The following L3MBTL1 variants were observed in gnomAD, a reference collection of about 807,000 sequenced individuals.
L3MBTL1 encodes L3MBTL histone methyl-lysine binding protein 1, also known as lethal(3)malignant brain tumor-like protein 1.
Under a neutral mutation model 105.3 loss-of-function variants are expected in L3MBTL1, and 75 were observed. The observed-to-expected ratio is 0.71, with a 90% CI of 0.59 to 0.86. The LOEUF (loss-of-function observed/expected upper bound fraction) is 0.86. Ranked by LOEUF, L3MBTL1 falls within the 40% of genes least tolerant of loss-of-function variation. The pLI is 0.00. For synonymous variants in L3MBTL1, 452 were observed against 436.2 expected, an observed-to-expected ratio of 1.04 and a Z score of -0.45; for missense variants, 1,069 against 1,126.4, an observed-to-expected ratio of 0.95 and a Z score of 0.73.
rs1252845321 is a variant in L3MBTL1 at position 43,523,591 on chromosome 20, T to A, written c.863-5066T>A. On this transcript the variant is annotated intron_variant, in intron 7 of 21. Transcript: ENST00000418998. Reference sequence around the variant, plus strand: ...GCGGCATTGTTCTCTTCTCACCCTGTCCTGTGCAGACAGTAGACTATAGCA... The same window carrying A: ...GCGGCATTGTTCTCTTCTCACCCTGACCTGTGCAGACAGTAGACTATAGCA... The A allele has an allele frequency of 2.2e-5, 5 of 228,790 alleles. No homozygotes were observed. The South Asian group carries it at 2.2e-4, about 10-fold the overall frequency. The allele number at this position is 228,790 out of a possible 1,614,324, so 14.2% of individuals were successfully genotyped here.
intron 7 of L3MBTL1, 107 bp downstream of exon 7, chr20:43,516,284 T>A: frequency 1.3e-6 from 1 of 782,210 alleles, no homozygotes; most frequent in Non-Finnish European, 2.2e-6. Flanking sequence ...TGTACATGCA[T>A]AAATGAGCAT....
intron 19 of L3MBTL1, among the ~76,000 whole-genome samples, chr20:43,538,377 C>A (rs2019738623): frequency 6.6e-6 from 1 of 152,190 alleles, no homozygotes; most frequent in Admixed American, 6.5e-5. Flanking sequence ...AAGAAGGGCT[C>A]ACCCAGATCC....
At chr20:43,548,026 A>G (rs1171618376) in intron 18 of L3MBTL1, 1 of 495,180 alleles carries the variant, frequency 2.0e-6, no homozygotes, top group Non-Finnish European at 2.6e-6. Flanking sequence ...CCCATTCCCC[A>G]TGCACACCCC....
Position 43,540,774 on chromosome 20 carries a change from C to G in L3MBTL1, c.2353C>G (p.Leu785Val). The change falls in exon 21 of 22, where the codon CTG becomes GTG. Residue 785 changes from leucine (L) to valine (V), a missense_variant. By Grantham distance (32) the Leu-to-Val change is conservative. Transcript: ENST00000418998. ...IDEVFGFVQT[L>V]TGCEDQARLF... is the part of the protein sequence containing the mutation. ...CAAGGTCTTCGGCTTTGTTCAGACC[C>G]TGACAGGTTGTGAGGACCAAGCACG... 1 of 1,614,218 alleles carries G rather than the reference C, an allele frequency of 6.2e-7. No homozygotes were observed. Among genetic ancestry groups the G allele is most frequent in the Non-Finnish European group, 8.5e-7 (1 of 1,180,044 alleles).
In L3MBTL1 at chr20:43,514,039, C is replaced by T. The variant is rs1445213957; in HGVS notation, c.338C>T (p.Pro113Leu). The T allele has an allele frequency of 3.3e-6, 5 of 1,535,468 alleles. No homozygotes were observed. The highest frequency in any genetic ancestry group is 3.5e-6 in the Non-Finnish European group (4 of 1,146,452). ...CTGGAATGGACAGAGGCCGCGGCCC[C>T]GCCCCCAGGGGGCGGCCTGCGGGTC... ...RLLEWTEAAA[P>L]PPGGGLRFRI... The change falls in exon 3 of 22, where the codon CCG becomes CTG. Residue 113 changes from proline to leucine, a missense_variant. Coordinates refer to ENST00000418998, the MANE Select transcript of L3MBTL1 (RefSeq NM_001377303.1).
At chr20:43,517,450 C>G (rs1353119391) in intron 7 of L3MBTL1, among the ~76,000 whole-genome samples, 1 of 151,894 alleles carries the variant, frequency 6.6e-6, no homozygotes, top group Non-Finnish European at 1.5e-5. Flanking sequence ...ATTGCCCAAG[C>G]TGGCGTGTAG....
At position 43,534,431 on chromosome 20, in the gene L3MBTL1, C is replaced by T. The variant is rs1432812318; in HGVS notation, c.1710+37C>T. The T allele has an allele frequency of 1.9e-6, 3 of 1,542,074 alleles. No homozygotes were observed. The Admixed American group carries it at 5.0e-5, about 26-fold the overall frequency. On this transcript the variant is annotated intron_variant, in intron 15 of 21. Transcript: ENST00000418998. ...ACCCTAGGGCTGGGAAGTGGACAGG[C>T]CAGTTGGGCAGGAATTCTGTAGACT...
At chr20:43,527,295 G>T (rs2019081341) in intron 7 of L3MBTL1, among the ~76,000 whole-genome samples, 1 of 152,254 alleles carries the variant, frequency 6.6e-6, no homozygotes, top group East Asian at 1.9e-4. Flanking sequence ...TAAGGGATAT[G>T]AATTGATTCT....
intron 15 of L3MBTL1, 185 bp from the exon 16 acceptor site, chr20:43,534,643 C>A: frequency 1.6e-6 from 1 of 609,154 alleles, no homozygotes; most frequent in Non-Finnish European, 2.9e-6. Flanking sequence ...TGGGAGATGC[C>A]AGTAACTTAA....
chr20:43,540,542 A>G (rs990120644), intron 20 of L3MBTL1, among the ~76,000 whole-genome samples: 2 of 152,112 alleles, frequency 1.3e-5, no homozygotes, highest in East Asian at 1.9e-4. Flanking sequence ...TCAGCCAGAA[A>G]TCCAGCAGGA....
In L3MBTL1 at chr20:43,534,180, T is replaced by C. The variant is rs74949401; in HGVS notation, c.1599+87T>C. ...CAGGCTGGGGCCCTAGCCTTCCCCTTTGGGCAGGCCCCAGTTTCCCCAGGC... is the reference window on the plus strand; with the variant it reads ...CAGGCTGGGGCCCTAGCCTTCCCCTCTGGGCAGGCCCCAGTTTCCCCAGGC... On this transcript the variant is annotated intron_variant, in intron 14 of 21. Transcript: ENST00000418998. 1,366 of 1,515,398 alleles carry C rather than the reference T, an allele frequency of 9.0e-4. 17 individuals carry two copies. The African/African-American group carries it at 0.016, about 18-fold the overall frequency. 93.9% of individuals were successfully genotyped at this position (1,515,398 alleles called of 1,614,324 possible). A position where few individuals can be genotyped will look rare whatever the true frequency, so the allele number is the denominator to read the frequency against.
intron 9 of L3MBTL1, 84 bp downstream of exon 9, chr20:43,529,452 C>A: frequency 1.1e-6 from 1 of 898,200 alleles, no homozygotes; most frequent in Non-Finnish European, 1.8e-6. Flanking sequence ...GAAGGAAACA[C>A]CTCCCTCCCC....
intron 7 of L3MBTL1, among the ~76,000 whole-genome samples, chr20:43,519,912 C>T (rs2018619310): frequency 6.6e-6 from 1 of 152,096 alleles, no homozygotes; most frequent in African/African-American, 2.4e-5. Context: ...TTATAAGGTA[C>T]CGGTTCTTAA....
At position 43,533,970 on chromosome 20, in the gene L3MBTL1, C is replaced by T. The variant is rs117778469; in HGVS notation, c.1514-38C>T. On this transcript the variant is annotated intron_variant, in intron 13 of 21. Transcript: ENST00000418998. ...GGGGGCAGAGGGCTTCCGCAGTACA[C>T]CTGGGTGGCTAGACATTGCTCTCAT... 12,843 of 1,484,130 alleles carry T rather than the reference C, an allele frequency of 8.7e-3. 67 individuals carry two copies. The highest frequency in any genetic ancestry group is 0.01 in the Non-Finnish European group (11,095 of 1,061,906). The allele number at this position is 1,484,130 out of a possible 1,614,324, so 91.9% of individuals were successfully genotyped here. A position where few individuals can be genotyped will look rare whatever the true frequency, so the allele number is the denominator to read the frequency against.
At chr20:43,508,046 C>A (rs993003735) in intron 1 of L3MBTL1, among the ~76,000 whole-genome samples, 1 of 152,150 alleles carries the variant, frequency 6.6e-6, no homozygotes, top group Non-Finnish European at 1.5e-5. Flanking sequence ...TGGAGATACG[C>A]AATCAATTAA....
chr20:43,511,837 T>A (rs898020097), intron 1 of L3MBTL1, among the ~76,000 whole-genome samples: 1 of 149,640 alleles, frequency 6.7e-6, no homozygotes, highest in African/African-American at 2.5e-5. Context: ...AGGTGACTAT[T>A]GAGTTAAGGC....
At chr20:43,527,064 G>A (rs1451294939) in intron 7 of L3MBTL1, among the ~76,000 whole-genome samples, 1 of 152,132 alleles carries the variant, frequency 6.6e-6, no homozygotes, top group Non-Finnish European at 1.5e-5. Context: ...AATTATCCAG[G>A]GTAGTAGCCA....
At chr20:43,509,861 C>G (rs936044348) in intron 1 of L3MBTL1, among the ~76,000 whole-genome samples, 1 of 152,062 alleles carries the variant, frequency 6.6e-6, no homozygotes, top group Admixed American at 6.5e-5. Context: ...AAGATTAACT[C>G]TATTTATTTA....
chr20:43,513,775 G>C, intron 2 of L3MBTL1, 63 bp from the exon 3 acceptor site: 1 of 1,538,948 alleles, frequency 6.5e-7, no homozygotes, highest in Non-Finnish European at 8.8e-7. Context: ...CACATGCATG[G>C]CCGGATTGAG....
Sources: allele counts gnomAD v4.1 joint callset (sites outside exome capture counted in the v4.1 genomes callset), GRCh38; gene constraint gnomAD v4.1.1; transcripts MANE v1.5; gene names NCBI Gene and HGNC (gene_info 2026-07-23, HGNC 2026-07-21).